Variants in CIPC observed in about 807,000 individuals in gnomAD.
CIPC encodes CLOCK-interacting pacemaker.
In CIPC, 12 loss-of-function variants were observed where a neutral mutation model predicts 26.7. That is an observed-to-expected ratio of 0.45 (90% CI 0.29 to 0.73). The LOEUF (loss-of-function observed/expected upper bound fraction) is 0.73. Among genes scored for constraint, CIPC ranks in the 30% least tolerant of loss-of-function variants. The pLI, the probability that CIPC is intolerant of heterozygous loss-of-function variation, is 0.12. For synonymous variants in CIPC, 170 were observed against 189.8 expected, an observed-to-expected ratio of 0.90 and a Z score of 0.86; for missense variants, 417 against 486.5, an observed-to-expected ratio of 0.86 and a Z score of 1.34.
At chr14:77,106,001 G>C (rs988482556) in intron 2 of CIPC, 157 bp downstream of exon 2, 6 of 759,284 alleles carry the variant, frequency 7.9e-6, no homozygotes, top group Admixed American at 3.4e-5. Context: ...CCATATGTCA[G>C]GGTACCCATC....
Position 77,113,534 on chromosome 14 carries a change from G to C in CIPC, c.416G>C (p.Ser139Thr). The C allele has an allele frequency of 1.9e-6, 3 of 1,614,184 alleles. No homozygotes were observed. Among genetic ancestry groups the C allele is most frequent in the Non-Finnish European group, 2.5e-6 (3 of 1,180,028 alleles). The change falls in exon 4 of 4, where the codon AGT becomes ACT. Residue 139 changes from serine to threonine, a missense_variant. Physicochemically the swap from Ser to Thr is moderately conservative, Grantham distance 58. Coordinates refer to ENST00000361786, the MANE Select transcript of CIPC (RefSeq NM_033426.3). ...CATCCACCTGTACCATCTCCTGTCA[G>C]TCCATGTCACACTGGTGAGAAAAAG... ...FLHPPVPSPV[S>T]PCHTGEKKSD...
At position 77,113,865 on chromosome 14, in the gene CIPC, T is replaced by G; in HGVS notation, c.747T>G (p.Ser249Arg). ...SPQTLQPVSS[S>R]HVAKAPSLTF... ...AGACTCTTCAGCCGGTATCCAGCAG[T>G]CACGTGGCTAAAGCTCCCAGTCTGA... Residue 249 changes from serine (S) to arginine (R), a missense_variant, in exon 4 of 4, where the codon AGT (serine) becomes AGG (arginine). Ser to Arg is a moderately radical substitution (Grantham distance 110). Coordinates refer to ENST00000361786, the MANE Select transcript of CIPC (RefSeq NM_033426.3). 2 of 1,614,084 alleles carry G rather than the reference T, an allele frequency of 1.2e-6. No homozygotes were observed. The highest frequency in any genetic ancestry group is 1.7e-6 in the Non-Finnish European group (2 of 1,180,016).
intron 1 of CIPC, among the ~76,000 whole-genome samples, chr14:77,102,403 T>C (rs375490996): frequency 2.6e-5 from 4 of 152,338 alleles, no homozygotes; most frequent in African/African-American, 7.2e-5. Context: ...GTGCTCATTA[T>C]GCTAAAGTGC....
At chr14:77,113,285 C>T (rs1886739151) in intron 3 of CIPC, 140 bp from the exon 4 acceptor site, 1 of 899,092 alleles carries the variant, frequency 1.1e-6, no homozygotes, top group Middle Eastern at 2.1e-4. Flanking sequence ...AATAGATGTT[C>T]AAACCACTAT....
In CIPC at chr14:77,114,474, T is replaced by C; in HGVS notation, c.*156T>C. ...GCCACGTGCCAATACCTGGCTGCTGTCTTAACTCGTAGTCTGGGCACAGGA... is the reference window on the plus strand; with the variant it reads ...GCCACGTGCCAATACCTGGCTGCTGCCTTAACTCGTAGTCTGGGCACAGGA... On this transcript the variant is annotated 3_prime_UTR_variant, in exon 4 of 4. Transcript: ENST00000361786. The C allele has an allele frequency of 1.4e-6, 1 of 736,324 alleles. No individual in the cohort carries two copies. Among genetic ancestry groups the C allele is most frequent in the Non-Finnish European group, 2.2e-6 (1 of 450,814 alleles). The allele number at this position is 736,324 out of a possible 1,614,324, so 45.6% of individuals were successfully genotyped here.
chr14:77,110,234 C>G (rs982342520), intron 3 of CIPC, among the ~76,000 whole-genome samples: 1 of 151,946 alleles, frequency 6.6e-6, no homozygotes, highest in African/African-American at 2.4e-5. Flanking sequence ...TTTCTGTATT[C>G]ATAGTTTGTC....
chr14:77,112,104 T>C (rs866199381), intron 3 of CIPC, among the ~76,000 whole-genome samples: 2 of 152,168 alleles, frequency 1.3e-5, no homozygotes, highest in African/African-American at 4.8e-5. Context: ...TGCAAAATGG[T>C]GCGCGCATGT....
rs917918732 is a variant in CIPC, at chr14:77,114,454, G to A, written c.*136G>A. Reference sequence around the variant, plus strand: ...TGTTGTGGTTCACTTAGGAAGCCACGTGCCAATACCTGGCTGCTGTCTTAA... The same window carrying A: ...TGTTGTGGTTCACTTAGGAAGCCACATGCCAATACCTGGCTGCTGTCTTAA... On this transcript the variant is annotated 3_prime_UTR_variant, in exon 4 of 4. Transcript: ENST00000361786. The A allele has an allele frequency of 1.7e-5, 15 of 904,856 alleles. No individual in the cohort carries two copies. Among genetic ancestry groups the A allele is most frequent in the Admixed American group, 2.7e-5 (1 of 37,606 alleles). 56.1% of individuals were successfully genotyped at this position (904,856 alleles called of 1,614,324 possible).
chr14:77,106,977 A>G (rs999923553), intron 2 of CIPC, among the ~76,000 whole-genome samples: 5 of 152,152 alleles, frequency 3.3e-5, no homozygotes, highest in African/African-American at 1.2e-4. Context: ...CACCTGAGGC[A>G]TTTGTTAAAA....
Position 77,114,366 on chromosome 14 carries a change from T to A in CIPC, c.*48T>A. 1 of 1,509,180 alleles carries A rather than the reference T, an allele frequency of 6.6e-7. No individual in the cohort carries two copies. The highest frequency in any genetic ancestry group is 8.9e-7 in the Non-Finnish European group (1 of 1,120,930). The allele number at this position is 1,509,180 out of a possible 1,614,324, so 93.5% of individuals were successfully genotyped here. A position where few individuals can be genotyped will look rare whatever the true frequency, so the allele number is the denominator to read the frequency against. On this transcript the variant is annotated 3_prime_UTR_variant, in exon 4 of 4. Transcript: ENST00000361786. ...ACTTGAGTGGTTCTTTTAGCTCATT[T>A]GCTGTTACCTACTCCTGTTTCCCAA...
At chr14:77,106,084 T>A (rs2140029093) in intron 2 of CIPC, 1 of 326,342 alleles carries the variant, frequency 3.1e-6, no homozygotes, top group East Asian at 5.1e-5. Context: ...AATCTTACAC[T>A]TCCAACTATT....
intron 1 of CIPC, among the ~76,000 whole-genome samples, chr14:77,102,737 G>C (rs1382494949): frequency 6.6e-6 from 1 of 152,208 alleles, no homozygotes; most frequent in African/African-American, 2.4e-5. Flanking sequence ...ACTAACATGA[G>C]CTACCCTCCT....
rs1235806627 is a variant in CIPC, at chr14:77,098,341, G to A, written c.-73G>A. ...CCACCTGACCCACAGGCCGGTCGTG[G>A]AGCTGCGACCCCGGCCCTAGGTGAG... On this transcript the variant is annotated 5_prime_UTR_variant, in exon 1 of 4. Transcript: ENST00000361786. The A allele has an allele frequency of 6.5e-6, 1 of 152,754 alleles. No individual in the cohort carries two copies. The highest frequency in any genetic ancestry group is 1.5e-5 in the Non-Finnish European group (1 of 68,086). 9.5% of individuals were successfully genotyped at this position (152,754 alleles called of 1,614,324 possible).
Position 77,113,617 on chromosome 14 carries a change from C to G in CIPC, c.499C>G (p.Pro167Ala). Reference protein sequence around the residue: ...LNSYTKIAPHPGKRGLSLGPE... With the variant: ...LNSYTKIAPHAGKRGLSLGPE... ...TTCTTACACCAAAATAGCCCCACATCCAGGCAAAAGGGGCCTTTCCCTTGG... is the reference window on the plus strand; with the variant it reads ...TTCTTACACCAAAATAGCCCCACATGCAGGCAAAAGGGGCCTTTCCCTTGG... The change falls in exon 4 of 4, where the codon CCA (proline) becomes GCA (alanine). Residue 167 changes from proline to alanine, a missense_variant. Physicochemically the swap from Pro to Ala is conservative, Grantham distance 27. Coordinates refer to ENST00000361786, the MANE Select transcript of CIPC (RefSeq NM_033426.3). The G allele has an allele frequency of 6.2e-7, 1 of 1,614,228 alleles. No homozygotes were observed. Among genetic ancestry groups the G allele is most frequent in the Non-Finnish European group, 8.5e-7 (1 of 1,180,032 alleles).
At chr14:77,110,450 T>A (rs12883018) in intron 3 of CIPC, among the ~76,000 whole-genome samples, 3,074 of 151,106 alleles carry the variant, frequency 0.02, 49 homozygotes, top group Non-Finnish European at 0.033. Flanking sequence ...CTGAGCATTT[T>A]CTTAGTAGTC....
chr14:77,109,202 G>A (rs1040121079), intron 2 of CIPC, among the ~76,000 whole-genome samples: 1 of 152,150 alleles, frequency 6.6e-6, no homozygotes, highest in Admixed American at 6.5e-5. Context: ...ATGGAACCAG[G>A]TAAATCACTT....
intron 3 of CIPC, 119 bp from the exon 4 acceptor site, chr14:77,113,306 C>G: frequency 1.9e-6 from 2 of 1,032,620 alleles, no homozygotes; most frequent in Non-Finnish European, 3.0e-6. Context: ...GTGAGAGAAG[C>G]ACTGTCCTTG....
In CIPC at chr14:77,113,813, C is replaced by T. The variant is rs772620442; in HGVS notation, c.695C>T (p.Pro232Leu). ...LAEDSALQGV[P>L]SLVAGGSPQT... ...GAGGACTCAGCTCTGCAGGGTGTGC[C>T]CTCTCTGGTGGCAGGTGGAAGTCCA... The change falls in exon 4 of 4, where the codon CCC (proline) becomes CTC (leucine). Residue 232 changes from proline to leucine, a missense_variant. By Grantham distance (98) the Pro-to-Leu change is moderately conservative. Coordinates refer to ENST00000361786, the MANE Select transcript of CIPC (RefSeq NM_033426.3). 3 of 1,614,138 alleles carry T rather than the reference C, an allele frequency of 1.9e-6. No individual in the cohort carries two copies. The highest frequency in any genetic ancestry group is 2.5e-6 in the Non-Finnish European group (3 of 1,180,014).
chr14:77,113,753 C>T lies in CIPC; in HGVS notation c.635C>T (p.Pro212Leu), dbSNP rs2140036178. The T allele has an allele frequency of 5.6e-6, 9 of 1,612,800 alleles. No homozygotes were observed. The highest frequency in any genetic ancestry group is 7.6e-6 in the Non-Finnish European group (9 of 1,179,106). The change falls in exon 4 of 4, where the codon CCC becomes CTC. Residue 212 changes from proline to leucine, a missense_variant. By Grantham distance (98) the Pro-to-Leu change is moderately conservative (BLOSUM62 -3). Transcript: ENST00000361786. Reference protein sequence around the residue: ...PTKAGAVPSSPSTPAPPSAKL... With the variant: ...PTKAGAVPSSLSTPAPPSAKL... ...AAGGCTGGTGCTGTCCCATCCAGTC[C>T]CTCGACGCCAGCACCACCCAGCGCC... is the stretch of plus-strand genomic sequence containing the variant.
Sources: gnomAD v4.1 joint callset for allele counts (sites outside exome capture counted in the v4.1 genomes callset) on GRCh38, gnomAD v4.1.1 for gene constraint, MANE v1.5 for transcripts, NCBI Gene and HGNC (gene_info 2026-07-23, HGNC 2026-07-21) for gene names.